CEP170B: variants seen among roughly 807,000 people sequenced by gnomAD.
CEP170B encodes the protein centrosomal protein of 170 kDa protein B.
CEP170B carries 55 observed loss-of-function variants against 120.6 expected under a neutral mutation model. The ratio of observed to expected loss-of-function variants is 0.46; its 90% CI spans 0.37 to 0.57. The LOEUF is 0.57. CEP170B is among the 20% of genes least tolerant of loss of function. CEP170B has a pLI of 0.00. For synonymous variants in CEP170B, 1,033 were observed against 954.5 expected (o/e 1.08, Z -1.52); for missense variants, 2,212 against 2,253.3 (o/e 0.98, Z 0.37).
chr14:104,889,477 G>C, intron 12 of CEP170B, 143 bp from the exon 13 acceptor site: 1 of 1,528,174 alleles, frequency 6.5e-7, no homozygotes, highest in Non-Finnish European at 8.8e-7. Context: ...GTGCTGCTTT[G>C]TTCTGTTCTT....
In CEP170B at chr14:104,887,081, G is replaced by A; in HGVS notation, c.2842G>A (p.Asp948Asn). 3.7e-6 allele frequency: 6 copies of A among 1,611,490 alleles called. No individual in the cohort carries two copies. Among genetic ancestry groups the A allele is most frequent in the Non-Finnish European group, 4.2e-6 (5 of 1,179,698 alleles). Reference protein sequence around the residue: ...EGGSTPRPPEDALSGDSDVDT... With the variant: ...EGGSTPRPPENALSGDSDVDT... ...GGGCAGCACCCCGAGGCCGCCGGAG[G>A]ACGCCCTGTCTGGGGACTCGGACGT... The change falls in exon 12 of 19, where the codon GAC (aspartate) becomes AAC (asparagine). Residue 948 changes from aspartate (D) to asparagine (N), a missense_variant. Physicochemically the swap from Asp to Asn is conservative, Grantham distance 23. Around this residue, in one of 2 missense-constraint regions of CEP170B, gnomAD observed 2,166 missense variants for 2,166.7 expected, o/e 1.00. Transcript: ENST00000414716.
At chr14:104,876,434 C>A in intron 3 of CEP170B, 89 bp downstream of exon 3, 1 of 1,218,342 alleles carries the variant, frequency 8.2e-7, no homozygotes, top group Non-Finnish European at 1.2e-6. Flanking sequence ...CTCCCCCAGT[C>A]ATAGCCCCTC....
At chr14:104,881,054 T>A (rs1216200876) in intron 6 of CEP170B, among the ~76,000 whole-genome samples, 1 of 151,872 alleles carries the variant, frequency 6.6e-6, no homozygotes, top group Non-Finnish European at 1.5e-5. Flanking sequence ...GATGGGGGGG[T>A]GAGGCTATGC....
upstream of CEP170B, among the ~76,000 whole-genome samples, chr14:104,864,718 G>C (rs1261543424): frequency 2.0e-5 from 3 of 152,026 alleles, no homozygotes; most frequent in Non-Finnish European, 4.4e-5. The surrounding 1 kb of genome is among the most constrained non-coding windows in gnomAD (Gnocchi z 5.9). Flanking sequence ...TCGGACATAC[G>C]CCCAGTCTGG....
rs1204699917 is a variant in CEP170B, at chr14:104,865,944, C to G, written c.-28+431C>G. Among the ~76,000 whole-genome samples, 1 of 152,218 alleles carries G rather than the reference C, an allele frequency of 6.6e-6. No homozygotes were observed. Among genetic ancestry groups the G allele is most frequent in the East Asian group, 1.9e-4 (1 of 5,190 alleles). ...TCCTCATTTCCCTTCGCCGCCGTCT[C>G]CCCGCTGTCCCTGCCTCTCCCGGCC... is the stretch of plus-strand genomic sequence containing the variant. On this transcript the variant is annotated intron_variant, in intron 1 of 18. Transcript: ENST00000414716. This position sits in a 1 kb window ranked among gnomAD's most constrained non-coding sequence, Gnocchi z 6.7.
rs533624231 is a variant in CEP170B, at chr14:104,883,087, C to T, written c.630C>T (p.Ala210=). 64 of 1,572,708 alleles carry T rather than the reference C, an allele frequency of 4.1e-5. No homozygotes were observed. In the African/African-American group the frequency reaches 8.5e-4, roughly 21 times the overall value. ...QQDGELHGFR[A]PAEPQGCSFR... ...ACGGGGAGCTCCACGGCTTCCGCGC[C>T]CCTGCTGAGCCTCAGGGCTGCTCGT... Residue 210 remains alanine, a synonymous_variant, in exon 8 of 19, where the codon GCC becomes GCT. Coordinates refer to ENST00000414716, the MANE Select transcript of CEP170B (RefSeq NM_001112726.3).
At chr14:104,892,933 A>T in intron 13 of CEP170B, 43 bp from the exon 14 acceptor site, 2 of 1,548,568 alleles carry the variant, frequency 1.3e-6, no homozygotes, top group Non-Finnish European at 1.7e-6. Context: ...TGCTGCCCCG[A>T]CTTCCTCTGT....
Position 104,884,373 on chromosome 14 carries a change from C to T in CEP170B, c.1594C>T (p.Pro532Ser). The change falls in exon 9 of 19, where the codon CCC becomes TCC. Residue 532 changes from proline to serine, a missense_variant. Pro to Ser is a moderately conservative substitution (Grantham distance 74). Coordinates refer to ENST00000414716, the MANE Select transcript of CEP170B (RefSeq NM_001112726.3). The stretch of plus-strand genomic sequence containing the variant: ...TCCGGTGCTGCCCGCTCCCCTGACA[C>T]CCCATGGGACCAGCCCCGTGGGCCC... ...VPPVLPAPLT[P>S]HGTSPVGPPT... is the part of the protein sequence containing the mutation. 4 of 1,546,808 alleles carry T rather than the reference C, an allele frequency of 2.6e-6. No individual in the cohort carries two copies. The highest frequency in any genetic ancestry group is 3.5e-6 in the Non-Finnish European group (4 of 1,146,178).
chr14:104,875,218 C>T (rs1363805270), intron 2 of CEP170B, among the ~76,000 whole-genome samples: 2 of 152,184 alleles, frequency 1.3e-5, no homozygotes, highest in Non-Finnish European at 2.9e-5. Context: ...AGCTCCTAGT[C>T]GTGTGGGTTG....
intron 9 of CEP170B, 116 bp downstream of exon 9, chr14:104,884,665 GGCGA>G: frequency 1.4e-6 from 1 of 740,558 alleles, no homozygotes; most frequent in African/African-American, 2.5e-5. Flanking sequence ...TGCCGGGGGT[GGCGA>G]GTGAGAGCCC....
rs369476253 is a variant in CEP170B, at chr14:104,887,702, C to T, written c.3463C>T (p.Arg1155Trp). The T allele has an allele frequency of 6.9e-6, 11 of 1,585,510 alleles. No homozygotes were observed. Among genetic ancestry groups the T allele is most frequent in the African/African-American group, 4.0e-5 (3 of 74,444 alleles). Residue 1155 changes from arginine (R) to tryptophan (W), a missense_variant, in exon 12 of 19, where the codon CGG becomes TGG. By Grantham distance (101) the Arg-to-Trp change is moderately radical. Around this residue, in one of 2 missense-constraint regions of CEP170B, gnomAD observed 2,166 missense variants for 2,166.7 expected, o/e 1.00. Coordinates refer to ENST00000414716, the MANE Select transcript of CEP170B (RefSeq NM_001112726.3). ...GSLGNPEPVGRPAAEQAKKLS... is the reference protein window; with the variant it reads ...GSLGNPEPVGWPAAEQAKKLS... Reference sequence around the variant, plus strand: ...CCTGGGCAACCCTGAGCCCGTGGGCCGGCCAGCTGCTGAGCAGGCCAAGAA... The same window carrying T: ...CCTGGGCAACCCTGAGCCCGTGGGCTGGCCAGCTGCTGAGCAGGCCAAGAA...
In CEP170B at chr14:104,883,271, G is replaced by C; in HGVS notation, c.814G>C (p.Glu272Gln). Residue 272 changes from glutamate (E) to glutamine (Q), a missense_variant, in exon 8 of 19, where the codon GAG (glutamate) becomes CAG (glutamine). Physicochemically the swap from Glu to Gln is conservative, Grantham distance 29. Coordinates refer to ENST00000414716, the MANE Select transcript of CEP170B (RefSeq NM_001112726.3). ...GCAGAGCCACGCCTCCTTCACCATC[G>C]AGTTTGATGACTGCAGCCCTGGCAA... is the stretch of plus-strand genomic sequence containing the variant. ...VVQSHASFTI[E>Q]FDDCSPGKMK... The C allele has an allele frequency of 6.2e-7, 1 of 1,611,646 alleles. No individual in the cohort carries two copies. The highest frequency in any genetic ancestry group is 8.5e-7 in the Non-Finnish European group (1 of 1,179,628).
In CEP170B at chr14:104,883,439, C is replaced by T. The variant is rs778282512; in HGVS notation, c.982C>T (p.Arg328Trp). 69 of 1,564,724 alleles carry T rather than the reference C, an allele frequency of 4.4e-5. No homozygotes were observed. Among genetic ancestry groups the T allele is most frequent in the Non-Finnish European group, 5.4e-5 (62 of 1,155,840 alleles). ...LVQNDPSLLH[R>W]VGPGDDRHST... is the part of the protein sequence containing the mutation. The stretch of plus-strand genomic sequence containing the variant: ...GCAGAATGACCCGAGCCTGCTGCAC[C>T]GGGTTGGCCCTGGGGATGACCGCCA... The change falls in exon 8 of 19, where the codon CGG becomes TGG. Residue 328 changes from arginine (R) to tryptophan (W), a missense_variant. This residue lies in a region of CEP170B where 2,166 missense variants were observed against 2,166.7 expected (regional missense o/e 1.00). Transcript: ENST00000414716.
chr14:104,895,040 AG>A lies in CEP170B; in HGVS notation c.*84del, dbSNP rs1897018465. 7.0e-7 allele frequency: 1 copy of A among 1,428,544 alleles called. No individual in the cohort carries two copies. Among genetic ancestry groups the A allele is most frequent in the Admixed American group, 2.6e-5 (1 of 38,062 alleles). 88.5% of individuals were successfully genotyped at this position (1,428,544 alleles called of 1,614,324 possible). On this transcript the variant is annotated 3_prime_UTR_variant, in exon 19 of 19. Coordinates refer to ENST00000414716, the MANE Select transcript of CEP170B (RefSeq NM_001112726.3). ...GCCGCACACCCGCCTGCCTGGCCGCAGGTGGTTCTCCCTGAAGACCCCCACA... is the reference window on the plus strand; with the variant it reads ...GCCGCACACCCGCCTGCCTGGCCGCAGTGGTTCTCCCTGAAGACCCCCACA...
chr14:104,887,762 A>C lies in CEP170B; in HGVS notation c.3523A>C (p.Lys1175Gln). The C allele has an allele frequency of 6.3e-7, 1 of 1,579,918 alleles. No individual in the cohort carries two copies. Among genetic ancestry groups the C allele is most frequent in the Non-Finnish European group, 8.6e-7 (1 of 1,164,274 alleles). ...SRLDILAMPRKRAGSFTGTSD... is the reference protein window; with the variant it reads ...SRLDILAMPRQRAGSFTGTSD... Reference sequence around the variant, plus strand: ...CCTGGACATCCTGGCCATGCCCCGGAAGCGGGCCGGCTCCTTCACAGGGAC... The same window carrying C: ...CCTGGACATCCTGGCCATGCCCCGGCAGCGGGCCGGCTCCTTCACAGGGAC... Residue 1175 changes from lysine to glutamine, a missense_variant, in exon 12 of 19, where the codon AAG becomes CAG. Lys to Gln is a moderately conservative substitution (Grantham distance 53, BLOSUM62 1). Coordinates refer to ENST00000414716, the MANE Select transcript of CEP170B (RefSeq NM_001112726.3).
chr14:104,890,744 A>G (rs151136257), intron 13 of CEP170B, among the ~76,000 whole-genome samples: 2,405 of 16,326 alleles, frequency 0.15, no homozygotes, highest in Non-Finnish European at 0.21. Flanking sequence ...TGGATGGATG[A>G]ATGGATGAGT....
At chr14:104,893,430 C>T in intron 14 of CEP170B, 93 bp from the exon 15 acceptor site, 1 of 1,446,996 alleles carries the variant, frequency 6.9e-7, no homozygotes, top group Non-Finnish European at 9.4e-7. Flanking sequence ...TGGGTGTGCT[C>T]TGTCCACCTG....
intron 3 of CEP170B, 28 bp from the exon 4 acceptor site, chr14:104,877,857 C>T (rs762764595): frequency 1.1e-5 from 10 of 906,110 alleles, no homozygotes; most frequent in Non-Finnish European, 1.1e-5. Flanking sequence ...CAGCTCCCCC[C>T]CCCCCCCCGC....
rs1595307282 is a variant in CEP170B, at chr14:104,870,256, A to C, written c.105+1701A>C. On this transcript the variant is annotated intron_variant, in intron 2 of 18. Transcript: ENST00000414716. This position sits in a 1 kb window ranked among gnomAD's most constrained non-coding sequence, Gnocchi z 4.1. Reference sequence around the variant, plus strand: ...ACCTGCACTTCATTTATGGATGTTGAAGTATCAATTTCCCATAATTTTCAT... The same window carrying C: ...ACCTGCACTTCATTTATGGATGTTGCAGTATCAATTTCCCATAATTTTCAT... Among the ~76,000 whole-genome samples, 1 of 152,222 alleles carries C rather than the reference A, an allele frequency of 6.6e-6. No homozygotes were observed. The highest frequency in any genetic ancestry group is 2.1e-4 in the South Asian group (1 of 4,832).
Sources: allele counts gnomAD v4.1 joint callset (sites outside exome capture counted in the v4.1 genomes callset), GRCh38; gene constraint gnomAD v4.1.1; regional missense constraint gnomAD v4.1.1; non-coding constraint Gnocchi (gnomAD v3.1); transcripts MANE v1.5; gene names NCBI Gene and HGNC (gene_info 2026-07-23, HGNC 2026-07-21).